The following NRXN1 variants were observed in gnomAD, a reference collection of about 807,000 sequenced individuals.
NRXN1 encodes neurexin 1, also known as neurexin-1.
NRXN1 carries 39 observed loss-of-function variants against 150.9 expected under a neutral mutation model. That is an observed-to-expected ratio of 0.26 (90% confidence interval 0.20 to 0.34). The LOEUF (loss-of-function observed/expected upper bound fraction) is 0.34. NRXN1 is among the 10% of genes least tolerant of loss of function. The pLI is 1.00. For synonymous variants in NRXN1, 924 were observed against 757.0 expected, an observed-to-expected ratio of 1.22 and a Z score of -3.62; for missense variants, 1,815 against 1,949.9, an observed-to-expected ratio of 0.93 and a Z score of 1.30.
chr2:50,671,120 T>C (rs1463121383), intron 5 of NRXN1, among the ~76,000 whole-genome samples: 2 of 151,858 alleles, frequency 1.3e-5, no homozygotes, highest in Non-Finnish European at 2.9e-5. Flanking sequence ...TACATAAATC[T>C]TTAAAAACAT....
chr2:50,246,008 T>C (rs2152892122), intron 17 of NRXN1, among the ~76,000 whole-genome samples: 1 of 152,118 alleles, frequency 6.6e-6, no homozygotes, highest in East Asian at 1.9e-4. Flanking sequence ...CAAGGTCTCA[T>C]TTCAATCATT....
intron 17 of NRXN1, among the ~76,000 whole-genome samples, chr2:50,395,697 C>G (rs2082009646): frequency 6.6e-6 from 1 of 152,238 alleles, no homozygotes; most frequent in African/African-American, 2.4e-5. Flanking sequence ...TTTACAAGCA[C>G]TATATCATAT....
chr2:50,912,858 G>C (rs544932969), intron 5 of NRXN1: 4 of 151,464 alleles, frequency 2.6e-5, no homozygotes, highest in South Asian at 4.2e-4. Flanking sequence ...GAGGACAAAT[G>C]CCAAACCAAA....
intron 17 of NRXN1, among the ~76,000 whole-genome samples, chr2:50,249,771 G>C (rs1339979032): frequency 6.6e-6 from 1 of 151,910 alleles, no homozygotes; most frequent in Non-Finnish European, 1.5e-5. Context: ...CCAAGTAGCT[G>C]GGATCATAGA....
chr2:50,842,572 T>TA (rs1163279929), intron 5 of NRXN1, among the ~76,000 whole-genome samples: 1 of 152,190 alleles, frequency 6.6e-6, no homozygotes, highest in Admixed American at 6.5e-5. Flanking sequence ...ATATCTGCTT[T>TA]AGCGTCTAAA....
chr2:50,583,018 T>C (rs1672535529), intron 8 of NRXN1, among the ~76,000 whole-genome samples: 1 of 152,040 alleles, frequency 6.6e-6, no homozygotes, highest in South Asian at 2.1e-4. Context: ...CATTATTCAT[T>C]CTATTCATTC....
At chr2:50,416,762 G>A (rs1052192192) in intron 17 of NRXN1, among the ~76,000 whole-genome samples, 5 of 151,576 alleles carry the variant, frequency 3.3e-5, no homozygotes, top group Admixed American at 6.6e-5. Context: ...CAGATCGTGT[G>A]AGAACTCACT....
intron 16 of NRXN1, among the ~76,000 whole-genome samples, chr2:50,466,272 T>C (rs1238370842): frequency 1.3e-5 from 2 of 151,756 alleles, no homozygotes; most frequent in African/African-American, 4.8e-5. Context: ...TACAAACATA[T>C]TCAAGACTGA....
At chr2:50,742,205 G>A (rs1018190046) in intron 5 of NRXN1, among the ~76,000 whole-genome samples, 7 of 151,894 alleles carry the variant, frequency 4.6e-5, no homozygotes, top group Non-Finnish European at 7.4e-5. Flanking sequence ...GTTTCAAAGA[G>A]AAAGAAATTT....
In NRXN1 at chr2:50,788,425, T is replaced by C. The variant is rs561157086; in HGVS notation, c.832+133444A>G. On this transcript the variant is annotated intron_variant, in intron 5 of 22. Transcript: ENST00000401669. ...TAAGCACTTTACCAAGAGCTTTCTGTTGAGACTGCATCAATGTCATGTAAC... is the reference window on the plus strand; with the variant it reads ...TAAGCACTTTACCAAGAGCTTTCTGCTGAGACTGCATCAATGTCATGTAAC... 1.1e-4 allele frequency among the ~76,000 whole-genome samples: 17 copies of C among 152,186 alleles called. 1 individual carries two copies. The South Asian group carries it at 3.5e-3, about 32-fold the overall frequency.
Position 50,531,368 on chromosome 2 carries a change from G to A in NRXN1, c.2206C>T (p.His736Tyr). ...FMKIQLPVVM[H>Y]TEAEDVSLRF... ...AAGGAAACATCCTCAGCCTCCGTAT[G>A]CATGACTACGGGGAGCTGAATTTTC... The change falls in exon 11 of 23, where the codon CAT (histidine) becomes TAT (tyrosine). Residue 736 changes from histidine (H) to tyrosine (Y), a missense_variant. Physicochemically the swap from His to Tyr is moderately conservative, Grantham distance 83. This residue lies in a region of NRXN1 where 638 missense variants were observed against 652.6 expected (regional missense o/e 0.98). Coordinates refer to ENST00000401669, the MANE Select transcript of NRXN1 (RefSeq NM_001330078.2). 6.2e-7 allele frequency: 1 copy of A among 1,612,986 alleles called. No homozygotes were observed. Among genetic ancestry groups the A allele is most frequent in the Non-Finnish European group, 8.5e-7 (1 of 1,179,504 alleles).
At chr2:50,167,978 A>G (rs2152797202) in intron 18 of NRXN1, among the ~76,000 whole-genome samples, 1 of 152,330 alleles carries the variant, frequency 6.6e-6, no homozygotes, top group Middle Eastern at 3.4e-3. Flanking sequence ...TTTGCTCTGA[A>G]ATAAAAATGT....
intron 5 of NRXN1, among the ~76,000 whole-genome samples, chr2:50,629,995 A>G (rs749469922): frequency 2.0e-5 from 3 of 151,656 alleles, no homozygotes; most frequent in Non-Finnish European, 4.4e-5. Flanking sequence ...GGGAAAAAGT[A>G]ATATTTAAAA....
intron 17 of NRXN1, among the ~76,000 whole-genome samples, chr2:50,323,173 T>C (rs1265762744): frequency 6.6e-6 from 1 of 152,154 alleles, no homozygotes; most frequent in Non-Finnish European, 1.5e-5. Context: ...ATTCCTTGAG[T>C]AATACATTAT....
At chr2:50,338,964 T>G (rs1043471032) in intron 17 of NRXN1, among the ~76,000 whole-genome samples, 2 of 152,288 alleles carry the variant, frequency 1.3e-5, no homozygotes, top group African/African-American at 4.8e-5. Flanking sequence ...AAAATACCAC[T>G]TCTCTTTAAG....
At chr2:50,719,735 T>C (rs1216826804) in intron 5 of NRXN1, among the ~76,000 whole-genome samples, 1 of 152,158 alleles carries the variant, frequency 6.6e-6, no homozygotes, top group Non-Finnish European at 1.5e-5. Context: ...GGATTTATTC[T>C]TGATTGGGAT....
intron 5 of NRXN1, among the ~76,000 whole-genome samples, chr2:50,657,609 T>G (rs927088101): frequency 1.5e-4 from 23 of 152,046 alleles, no homozygotes; most frequent in Admixed American, 6.6e-5. Flanking sequence ...TGTCAAGTCC[T>G]TTTTCTAGAG....
rs1289109264 is a variant in NRXN1, at chr2:50,583,686, G to A, written c.1321-30661C>T. On this transcript the variant is annotated intron_variant, in intron 8 of 22. Coordinates refer to ENST00000401669, the MANE Select transcript of NRXN1 (RefSeq NM_001330078.2). Reference sequence around the variant, plus strand: ...CGAAGTGGTACAGGCATTGTACTAAGGATATTATATTCAAGGTTCACAGAA... The same window carrying A: ...CGAAGTGGTACAGGCATTGTACTAAAGATATTATATTCAAGGTTCACAGAA... Among the ~76,000 whole-genome samples the A allele has an allele frequency of 2.0e-5, 3 of 152,126 alleles. No homozygotes were observed. The East Asian group carries it at 5.8e-4, about 29-fold the overall frequency.
intron 21 of NRXN1, among the ~76,000 whole-genome samples, chr2:49,983,444 C>T (rs924287597): frequency 6.6e-5 from 10 of 152,006 alleles, no homozygotes; most frequent in African/African-American, 1.7e-4. Context: ...GTACTAGGAA[C>T]ATTTATATTT....
Sources: allele counts gnomAD v4.1 joint callset (sites outside exome capture counted in the v4.1 genomes callset), GRCh38; gene constraint gnomAD v4.1.1; regional missense constraint gnomAD v4.1.1; transcripts MANE v1.5; gene names NCBI Gene and HGNC (gene_info 2026-07-23, HGNC 2026-07-21).